The following MARK4 variants were observed in gnomAD, a reference collection of about 807,000 sequenced individuals.
MARK4 encodes the protein MAP/microtubule affinity-regulating kinase 4.
A neutral mutation model predicts 81.5 loss-of-function variants in MARK4; 19 were observed. That is an observed-to-expected ratio of 0.23 (90% CI 0.16 to 0.34). The LOEUF is 0.34. Ranked by LOEUF, MARK4 falls within the 10% of genes least tolerant of loss-of-function variation. The pLI is 1.00. For missense variants in MARK4, 772 were observed against 1,058.8 expected (o/e 0.73, Z 3.76); for synonymous variants, 436 against 439.0 (o/e 0.99, Z 0.08).
chr19:45,268,816 CAAAA>C (rs757071380), intron 7 of MARK4, among the ~76,000 whole-genome samples: 6 of 151,972 alleles, frequency 3.9e-5, no homozygotes, highest in Non-Finnish European at 8.8e-5. Flanking sequence ...AAAATGAAAA[CAAAA>C]AACAAATTGC....
chr19:45,263,246 G>A (rs1326820389), intron 3 of MARK4, 73 bp from the exon 4 acceptor site: 6 of 1,613,514 alleles, frequency 3.7e-6, no homozygotes, highest in African/African-American at 1.3e-5. Context: ...TCCTGCGGGG[G>A]CCCGGCTGGG....
chr19:45,279,426 A>T (rs1406349777), intron 10 of MARK4, among the ~76,000 whole-genome samples: 1 of 152,206 alleles, frequency 6.6e-6, no homozygotes, highest in Non-Finnish European at 1.5e-5. Flanking sequence ...CTGAGGCACG[A>T]GAATTGCTTG....
At position 45,298,754 on chromosome 19, in the gene MARK4, C is replaced by T. The variant is rs145617690; in HGVS notation, c.1877+800C>T. Among the ~76,000 whole-genome samples, 906 of 152,110 alleles carry T rather than the reference C, an allele frequency of 6.0e-3. 5 individuals carry two copies. Among genetic ancestry groups the T allele is most frequent in the Non-Finnish European group, 6.6e-3 (448 of 68,004 alleles). On this transcript the variant is annotated intron_variant, in intron 15 of 16. Coordinates refer to ENST00000262891, the MANE Select transcript of MARK4 (RefSeq NM_001199867.2). ...TAAAATATACTTACTATATAGACTG[C>T]TAGGTAGTGCGAAGTAACTAAGAAG...
chr19:45,301,787 C>T (rs1377026249), intron 16 of MARK4, among the ~76,000 whole-genome samples: 1 of 150,756 alleles, frequency 6.6e-6, no homozygotes, highest in East Asian at 1.9e-4. Flanking sequence ...ATCGCTTCAA[C>T]CCAGGAGGCG....
intron 13 of MARK4, 194 bp downstream of exon 13, chr19:45,287,858 A>G (rs757124525): frequency 1.9e-5 from 13 of 671,638 alleles, no homozygotes; most frequent in Middle Eastern, 2.4e-4. Context: ...ATTTGATGTT[A>G]GCGTATAAAT....
At chr19:45,300,286 G>A (rs1015257720) in intron 16 of MARK4, among the ~76,000 whole-genome samples, 6 of 145,228 alleles carry the variant, frequency 4.1e-5, no homozygotes, top group South Asian at 2.2e-4. Flanking sequence ...CAGAGGTTGC[G>A]GTGAGCTGGA....
intron 14 of MARK4, among the ~76,000 whole-genome samples, 190 bp downstream of exon 14, chr19:45,294,642 C>CT (rs1004379561): frequency 2.6e-5 from 4 of 152,166 alleles, no homozygotes; most frequent in African/African-American, 7.2e-5. Flanking sequence ...ATTAATTAGT[C>CT]TTAAGCACCA....
At chr19:45,279,957 G>A (rs757293637) in intron 10 of MARK4, among the ~76,000 whole-genome samples, 9 of 152,158 alleles carry the variant, frequency 5.9e-5, no homozygotes, top group Non-Finnish European at 7.3e-5. Context: ...TGATCTGAGC[G>A]GAAAGAATGT....
chr19:45,298,123 C>T (rs755140669), intron 15 of MARK4, 169 bp downstream of exon 15: 41 of 1,612,782 alleles, frequency 2.5e-5, no homozygotes, highest in Non-Finnish European at 3.1e-5. Flanking sequence ...TCACCCCTCA[C>T]CTCCCTCCTC....
chr19:45,298,510 G>A (rs1437310821), intron 15 of MARK4, among the ~76,000 whole-genome samples: 1 of 152,182 alleles, frequency 6.6e-6, no homozygotes, highest in Non-Finnish European at 1.5e-5. Flanking sequence ...GTTATTGTGA[G>A]GACTAAATGA....
chr19:45,278,434 G>C, intron 9 of MARK4, 82 bp from the exon 10 acceptor site: 1 of 1,270,218 alleles, frequency 7.9e-7, no homozygotes, highest in Non-Finnish European at 1.1e-6. Flanking sequence ...GGCCTCGGAG[G>C]TTTGGGGCAG....
rs1471098214 is a variant in MARK4 at position 45,271,896 on chromosome 19, G to A, written c.786+188G>A. ...AGCCGAATGGACTGTGCCATGCTGG[G>A]GTTAAGGGCATGATCTTTGCAGCTG... On this transcript the variant is annotated intron_variant, in intron 8 of 16. Coordinates refer to ENST00000262891, the MANE Select transcript of MARK4 (RefSeq NM_001199867.2). This position sits in a 1 kb window ranked among gnomAD's most constrained non-coding sequence, Gnocchi z 4.1. 6.6e-6 allele frequency among the ~76,000 whole-genome samples: 1 copy of A among 152,204 alleles called. No homozygotes were observed. Among genetic ancestry groups the A allele is most frequent in the East Asian group, 1.9e-4 (1 of 5,200 alleles).
chr19:45,278,680 T>G (rs1247986468), intron 10 of MARK4, 65 bp downstream of exon 10: 9 of 1,210,624 alleles, frequency 7.4e-6, no homozygotes, highest in Non-Finnish European at 1.1e-5. Context: ...CTCGGCTCAC[T>G]GCAACCTCCG....
chr19:45,302,327 A>T lies in MARK4; in HGVS notation c.1923-47A>T, dbSNP rs1970986028. On this transcript the variant is annotated intron_variant, in intron 16 of 16. Coordinates refer to ENST00000262891, the MANE Select transcript of MARK4 (RefSeq NM_001199867.2). The surrounding 1 kb of genome is among the most constrained non-coding windows in gnomAD (Gnocchi z 4.9). ...AGTTGTCCCTTCAGCCCTCCACCAC[A>T]TTCCTCTTCGCTCCCATCTCTGACC... is the stretch of plus-strand genomic sequence containing the variant. 1 of 1,613,016 alleles carries T rather than the reference A, an allele frequency of 6.2e-7. No homozygotes were observed. The highest frequency in any genetic ancestry group is 1.3e-5 in the African/African-American group (1 of 74,880).
intron 1 of MARK4, among the ~76,000 whole-genome samples, chr19:45,257,383 CTTTTTT>C (rs35210904): frequency 1.6e-5 from 2 of 124,384 alleles, no homozygotes; most frequent in African/African-American, 5.9e-5. Flanking sequence ...TTTTCTTTCT[CTTTTTT>C]TTTTTTTTTT....
intron 12 of MARK4, 84 bp from the exon 13 acceptor site, chr19:45,287,363 G>C (rs962886635): frequency 2.1e-6 from 2 of 958,708 alleles, no homozygotes; most frequent in Admixed American, 6.7e-5. Flanking sequence ...CCCACGTGAG[G>C]AATTCTCAGG....
At chr19:45,274,074 C>G (rs1970567610) in intron 8 of MARK4, among the ~76,000 whole-genome samples, 1 of 151,590 alleles carries the variant, frequency 6.6e-6, no homozygotes, top group Admixed American at 6.6e-5. Flanking sequence ...ACACTGAAAC[C>G]CCGTCTCTTC....
intron 14 of MARK4, among the ~76,000 whole-genome samples, chr19:45,294,947 G>C (rs2123104901): frequency 6.6e-6 from 1 of 152,242 alleles, no homozygotes; most frequent in Non-Finnish European, 1.5e-5. Context: ...CCCCCCACCA[G>C]GGCTGTAGGG....
intron 1 of MARK4, among the ~76,000 whole-genome samples, chr19:45,252,769 C>G (rs891291000): frequency 5.9e-5 from 9 of 152,096 alleles, no homozygotes; most frequent in African/African-American, 2.2e-4. Flanking sequence ...ATTTCTAGAC[C>G]CCTTGACCTT....
Sources: gnomAD v4.1 joint callset for allele counts (sites outside exome capture counted in the v4.1 genomes callset) on GRCh38, gnomAD v4.1.1 for gene constraint, Gnocchi (gnomAD v3.1) non-coding constraint, MANE v1.5 for transcripts, NCBI Gene and HGNC (gene_info 2026-07-23, HGNC 2026-07-21) for gene names.